PAK1: variants seen among roughly 807,000 people sequenced by gnomAD.
PAK1 encodes p21 (RAC1) activated kinase 1.
PAK1 carries 29 observed loss-of-function variants against 67.4 expected under a neutral mutation model. The ratio of observed to expected loss-of-function variants is 0.43; its 90% CI spans 0.32 to 0.59. The LOEUF (loss-of-function observed/expected upper bound fraction) is 0.59. Ranked by LOEUF, PAK1 falls within the 20% of genes least tolerant of loss-of-function variation. The probability of loss-of-function intolerance (pLI) is 0.07; values close to 1 mark genes in which losing one functional copy is unlikely to be tolerated. For missense variants in PAK1, 337 were observed against 670.7 expected, an observed-to-expected ratio of 0.50 and a Z score of 5.50; for synonymous variants, 223 against 237.4, an observed-to-expected ratio of 0.94 and a Z score of 0.56.
intron 14 of PAK1, among the ~76,000 whole-genome samples, chr11:77,326,666 C>G (rs1477997520): frequency 6.6e-6 from 1 of 152,104 alleles, no homozygotes; most frequent in African/African-American, 2.4e-5. Flanking sequence ...GCCTGGGCAA[C>G]AGAGAGAGAT....
intron 1 of PAK1, among the ~76,000 whole-genome samples, chr11:77,454,312 T>C (rs1388484202): frequency 1.3e-5 from 2 of 152,216 alleles, no homozygotes; most frequent in African/African-American, 2.4e-5. Flanking sequence ...CAATATACTC[T>C]GTCCCTATTA....
chr11:77,388,129 C>CT (rs1294857505), intron 2 of PAK1, among the ~76,000 whole-genome samples: 2 of 152,178 alleles, frequency 1.3e-5, no homozygotes, highest in Non-Finnish European at 2.9e-5. Flanking sequence ...TTTTCTACCT[C>CT]TATGTTTTCA....
intron 1 of PAK1, among the ~76,000 whole-genome samples, chr11:77,404,679 C>T (rs1953213698): frequency 6.6e-6 from 1 of 152,180 alleles, no homozygotes; most frequent in South Asian, 2.1e-4. Flanking sequence ...TTCTTCCTTC[C>T]AGTTACAATG....
intron 1 of PAK1, among the ~76,000 whole-genome samples, chr11:77,425,790 A>G (rs1249370136): frequency 6.6e-6 from 1 of 152,190 alleles, no homozygotes; most frequent in East Asian, 1.9e-4. Context: ...ACTTTCCCAA[A>G]TTATCCTAGC....
chr11:77,490,295 C>CGCACCCGG, the PAK1 span, among the ~76,000 whole-genome samples: 1 of 147,924 alleles, frequency 6.8e-6, no homozygotes, highest in Non-Finnish European at 1.5e-5. Context: ...GGTCAGCCCC[C>CGCACCCGG]CCACCCGGCC....
the PAK1 span, among the ~76,000 whole-genome samples, chr11:77,491,142 A>C: frequency 6.6e-6 from 1 of 152,018 alleles, no homozygotes; most frequent in Non-Finnish European, 1.5e-5. Flanking sequence ...AAAAAGAAAA[A>C]AAAAATTAAA....
chr11:77,334,708 C>T (rs1398090747), intron 13 of PAK1, among the ~76,000 whole-genome samples: 3 of 152,090 alleles, frequency 2.0e-5, no homozygotes, highest in Non-Finnish European at 4.4e-5. Flanking sequence ...CATTTTCCTC[C>T]TCTCCACTAA....
chr11:77,469,751 A>G (rs1338337125), intron 1 of PAK1, among the ~76,000 whole-genome samples: 1 of 151,254 alleles, frequency 6.6e-6, no homozygotes, highest in Non-Finnish European at 1.5e-5. Context: ...CTGGTGTGGG[A>G]GAATGTTTTT....
intron 1 of PAK1, among the ~76,000 whole-genome samples, chr11:77,433,595 C>T (rs914032662): frequency 1.3e-5 from 2 of 151,960 alleles, no homozygotes; most frequent in African/African-American, 2.4e-5. Flanking sequence ...CTGGCTAACA[C>T]GGTGAAACCC....
At position 77,322,798 on chromosome 11, in the gene PAK1, T is replaced by C. The variant is rs576350507; in HGVS notation, c.*476A>G. 3 of 378,722 alleles carry C rather than the reference T, an allele frequency of 7.9e-6. No individual in the cohort carries two copies. The highest frequency in any genetic ancestry group is 4.4e-5 in the Admixed American group (1 of 22,956). The allele number at this position is 378,722 out of a possible 1,614,324, so 23.5% of individuals were successfully genotyped here. A position where few individuals can be genotyped will look rare whatever the true frequency, so the allele number is the denominator to read the frequency against. ...GTCCCTGGCAGATTATCAAACCCCATGGCATTCCCAAGCTGTTCCAGTTTT... is the reference window on the plus strand; with the variant it reads ...GTCCCTGGCAGATTATCAAACCCCACGGCATTCCCAAGCTGTTCCAGTTTT... On this transcript the variant is annotated 3_prime_UTR_variant, in exon 15 of 15. Transcript: ENST00000356341.
chr11:77,340,503 C>T (rs1943435228), intron 11 of PAK1, 143 bp downstream of exon 11: 1 of 644,124 alleles, frequency 1.6e-6, no homozygotes, highest in Non-Finnish European at 2.8e-6. Context: ...AACACAGGTA[C>T]AATACAGGAA....
intron 1 of PAK1, among the ~76,000 whole-genome samples, chr11:77,473,089 C>A (rs964929422): frequency 3.3e-5 from 5 of 152,180 alleles, no homozygotes; most frequent in Admixed American, 3.3e-4. Context: ...GGGAGTAGAA[C>A]CCTAAAGGTG....
intron 1 of PAK1, among the ~76,000 whole-genome samples, chr11:77,400,201 A>C (rs1952484443): frequency 6.6e-6 from 1 of 152,180 alleles, no homozygotes; most frequent in Admixed American, 6.5e-5. Flanking sequence ...GATGATGGCA[A>C]ATGCATCCAG....
the PAK1 span, among the ~76,000 whole-genome samples, chr11:77,490,442 G>A: frequency 2.5e-3 from 358 of 143,506 alleles, 4 homozygotes; most frequent in African/African-American, 8.2e-3. Context: ...CAGCCGCCCC[G>A]TCTGGGAGGG....
intron 8 of PAK1, chr11:77,349,506 T>A: frequency 1.8e-6 from 1 of 553,470 alleles, no homozygotes. Flanking sequence ...TCCAACCTGG[T>A]ACTTCTACCT....
At chr11:77,513,979 G>A in the PAK1 span, among the ~76,000 whole-genome samples, 1 of 152,084 alleles carries the variant, frequency 6.6e-6, no homozygotes, top group African/African-American at 2.4e-5. Flanking sequence ...TATGAAATGA[G>A]AATTATTATC....
rs114137721 is a variant in PAK1 at position 77,404,717 on chromosome 11, G to A, written c.-21-12176C>T. Among the ~76,000 whole-genome samples, 1,271 of 152,278 alleles carry A rather than the reference G, an allele frequency of 8.3e-3. 21 individuals are homozygous for A. Among genetic ancestry groups the A allele is most frequent in the African/African-American group, 0.029 (1,219 of 41,556 alleles). ...GGAGGTGTTCTTCCTCTCATCCGAA[G>A]CCAATTCTCTCTTATCCCTGTATTC... On this transcript the variant is annotated intron_variant, in intron 1 of 14. Transcript: ENST00000356341.
chr11:77,383,081 T>C (rs1277869136), intron 2 of PAK1, among the ~76,000 whole-genome samples: 4 of 152,190 alleles, frequency 2.6e-5, no homozygotes, highest in East Asian at 3.8e-4. Flanking sequence ...GGGATGTAAG[T>C]TGACTTGTCC....
intron 14 of PAK1, among the ~76,000 whole-genome samples, chr11:77,331,995 G>A (rs1030112485): frequency 2.6e-5 from 4 of 151,958 alleles, no homozygotes; most frequent in Non-Finnish European, 5.9e-5. Flanking sequence ...ACAGAACAAA[G>A]GAAGTGCTAA....
Sources: gnomAD v4.1 joint callset for allele counts (sites outside exome capture counted in the v4.1 genomes callset) on GRCh38, gnomAD v4.1.1 for gene constraint, MANE v1.5 for transcripts, NCBI Gene and HGNC (gene_info 2026-07-23, HGNC 2026-07-21) for gene names.